Variants in JMY observed in about 807,000 individuals in gnomAD.
The protein encoded by JMY is junction mediating and regulatory protein, p53 cofactor.
In JMY, 46 loss-of-function variants were observed where a neutral mutation model predicts 103.3. The ratio of observed to expected loss-of-function variants is 0.45; its 90% confidence interval spans 0.35 to 0.57. The LOEUF is 0.57. JMY is among the 20% of genes least tolerant of loss of function. The pLI is 0.00. For synonymous variants in JMY, 526 were observed against 489.3 expected (o/e 1.07, Z -0.99); for missense variants, 1,238 against 1,255.2 (o/e 0.99, Z 0.21).
intron 10 of JMY, among the ~76,000 whole-genome samples, chr5:79,319,173 C>T (rs975823435): frequency 2.6e-5 from 4 of 152,190 alleles, no homozygotes; most frequent in African/African-American, 9.7e-5. Flanking sequence ...ACTCAAGTGG[C>T]TGGGATGTTA....
At chr5:79,298,543 C>T (rs1746632923) in intron 4 of JMY, among the ~76,000 whole-genome samples, 2 of 152,192 alleles carry the variant, frequency 1.3e-5, no homozygotes. Context: ...TCACATTCCC[C>T]TCCCTAGCTG....
chr5:79,305,924 T>C (rs1746867263), intron 6 of JMY, among the ~76,000 whole-genome samples: 1 of 152,178 alleles, frequency 6.6e-6, no homozygotes, highest in African/African-American at 2.4e-5. Context: ...CCAGGTGCCA[T>C]GACTCATGCC....
chr5:79,275,309 C>T lies in JMY; in HGVS notation c.1033-2601C>T, dbSNP rs548731519. On this transcript the variant is annotated intron_variant, in intron 1 of 10. Transcript: ENST00000396137. ...CCGAGCAGCTGGGACTACAGGTGCC[C>T]GCCACCACGCCTGGCTAATTTTTTT... 5.1e-4 allele frequency among the ~76,000 whole-genome samples: 78 copies of T among 152,114 alleles called. 2 individuals are homozygous for T. The South Asian group carries it at 0.013, about 24-fold the overall frequency.
intron 8 of JMY, among the ~76,000 whole-genome samples, 182 bp downstream of exon 8, chr5:79,312,680 T>G (rs944614827): frequency 6.6e-6 from 1 of 152,126 alleles, no homozygotes; most frequent in African/African-American, 2.4e-5. Context: ...CCTCTGGTGG[T>G]TTTCCGAATT....
At chr5:79,254,584 A>G (rs1352821995) in intron 1 of JMY, among the ~76,000 whole-genome samples, 1 of 151,830 alleles carries the variant, frequency 6.6e-6, no homozygotes, top group Non-Finnish European at 1.5e-5. Context: ...TCTTTTCTTT[A>G]TCTTTGACTG....
At chr5:79,315,427 A>G (rs1347693099) in intron 9 of JMY, among the ~76,000 whole-genome samples, 3 of 152,182 alleles carry the variant, frequency 2.0e-5, no homozygotes, top group Non-Finnish European at 4.4e-5. Context: ...AGCAGAGAAT[A>G]ACCCTTGCCT....
At chr5:79,239,809 C>CA (rs572504314) in intron 1 of JMY, among the ~76,000 whole-genome samples, 6,462 of 110,046 alleles carry the variant, frequency 0.059, 207 homozygotes, top group African/African-American at 0.099. Flanking sequence ...GACTCCGTCT[C>CA]AAAAAAAAAA....
chr5:79,315,638 A>G (rs1302144605), intron 9 of JMY, among the ~76,000 whole-genome samples: 3 of 152,228 alleles, frequency 2.0e-5, no homozygotes, highest in Non-Finnish European at 4.4e-5. Context: ...TAAAAACAAA[A>G]TGTGTAACCC....
Position 79,268,829 on chromosome 5 carries a change from A to G in JMY, c.1033-9081A>G, listed in dbSNP as rs965913513. Reference sequence around the variant, plus strand: ...CTTATTTGTCATCTGTATATTTTCAATGAGATATTTTGCCCATTTGTAAAT... The same window carrying G: ...CTTATTTGTCATCTGTATATTTTCAGTGAGATATTTTGCCCATTTGTAAAT... On this transcript the variant is annotated intron_variant, in intron 1 of 10. Transcript: ENST00000396137. 3.3e-5 allele frequency among the ~76,000 whole-genome samples: 5 copies of G among 152,114 alleles called. No homozygotes were observed. In the South Asian group the frequency reaches 6.2e-4, roughly 19 times the overall value.
At chr5:79,265,024 CCATT>C (rs1230442044) in intron 1 of JMY, among the ~76,000 whole-genome samples, 4 of 152,114 alleles carry the variant, frequency 2.6e-5, no homozygotes, top group African/African-American at 9.7e-5. Context: ...CAGGTTCATG[CCATT>C]CATTCTCCTG....
Position 79,236,994 on chromosome 5 carries a change from C to G in JMY, c.344C>G (p.Ser115Cys), listed in dbSNP as rs761485597. 9.9e-5 allele frequency: 145 copies of G among 1,466,890 alleles called. No homozygotes were observed. Among genetic ancestry groups the G allele is most frequent in the Admixed American group, 5.1e-4 (19 of 37,552 alleles). 90.9% of individuals were successfully genotyped at this position (1,466,890 alleles called of 1,614,324 possible). The part of the protein sequence containing the change: ...RRSSAWAEGG[S>C]PRSTRSLLGD... ...AGCTCGGCCTGGGCGGAGGGCGGCTCTCCTCGGAGCACTCGCAGCCTTCTG... is the reference window on the plus strand; with the variant it reads ...AGCTCGGCCTGGGCGGAGGGCGGCTGTCCTCGGAGCACTCGCAGCCTTCTG... The change falls in exon 1 of 11, where the codon TCT (serine) becomes TGT (cysteine). Residue 115 changes from serine (S) to cysteine (C), a missense_variant. Transcript: ENST00000396137.
At chr5:79,254,331 T>C (rs1342542488) in intron 1 of JMY, among the ~76,000 whole-genome samples, 3 of 152,176 alleles carry the variant, frequency 2.0e-5, no homozygotes, top group African/African-American at 7.2e-5. Flanking sequence ...GCATTTCTTG[T>C]AGAGCAGGTC....
At chr5:79,268,613 G>A (rs966246470) in intron 1 of JMY, among the ~76,000 whole-genome samples, 1 of 151,822 alleles carries the variant, frequency 6.6e-6, no homozygotes, top group Admixed American at 6.6e-5. Flanking sequence ...TCAGCCTCCC[G>A]AGTAGCTGGG....
At chr5:79,274,497 T>A (rs772501221) in intron 1 of JMY, among the ~76,000 whole-genome samples, 1 of 152,078 alleles carries the variant, frequency 6.6e-6, no homozygotes, top group Non-Finnish European at 1.5e-5. Context: ...AACCTCTGCC[T>A]CCTGGGTTCA....
rs147645086 is a variant in JMY at position 79,246,471 on chromosome 5, T to G, written c.1032+8789T>G. 7.2e-5 allele frequency among the ~76,000 whole-genome samples: 11 copies of G among 152,284 alleles called. No individual in the cohort carries two copies. In the East Asian group the frequency reaches 2.1e-3, roughly 29 times the overall value. ...CAGTAAGAGGTAGGATGCAAGTGAG[T>G]TTGAGACCTGACTTCTCCTTGTTAA... On this transcript the variant is annotated intron_variant, in intron 1 of 10. Transcript: ENST00000396137.
At chr5:79,256,047 A>T (rs1478736461) in intron 1 of JMY, among the ~76,000 whole-genome samples, 1 of 152,216 alleles carries the variant, frequency 6.6e-6, no homozygotes, top group African/African-American at 2.4e-5. Flanking sequence ...CAGGTCCCTG[A>T]TGGGTCCTTT....
chr5:79,268,380 G>C (rs1338545764), intron 1 of JMY, among the ~76,000 whole-genome samples: 5 of 151,830 alleles, frequency 3.3e-5, no homozygotes, highest in African/African-American at 1.2e-4. Flanking sequence ...CTGATGTCAG[G>C]GTTTTGGATT....
At chr5:79,316,609 A>G (rs1251178466) in intron 10 of JMY, among the ~76,000 whole-genome samples, 1 of 142,152 alleles carries the variant, frequency 7.0e-6, no homozygotes, top group Non-Finnish European at 1.5e-5. Flanking sequence ...TTCTTGCCCT[A>G]AAAAAACAGA....
intron 7 of JMY, 105 bp downstream of exon 7, chr5:79,306,566 A>T: frequency 1.3e-6 from 1 of 788,760 alleles, no homozygotes; most frequent in Non-Finnish European, 2.1e-6. Flanking sequence ...CTGCATGTTA[A>T]CATTAGTTCA....
Sources: gnomAD v4.1 joint callset for allele counts (sites outside exome capture counted in the v4.1 genomes callset) on GRCh38, gnomAD v4.1.1 for gene constraint, MANE v1.5 for transcripts, NCBI Gene and HGNC (gene_info 2026-07-23, HGNC 2026-07-21) for gene names.